SSPN: variants seen among roughly 807,000 people sequenced by gnomAD.
SSPN encodes the protein sarcospan.
Under a neutral mutation model 19.1 loss-of-function variants are expected in SSPN, and 15 were observed. That is an observed-to-expected ratio of 0.78 (90% CI 0.52 to 1.21). The LOEUF (loss-of-function observed/expected upper bound fraction) is 1.21. Among genes scored for constraint, SSPN ranks in the 50% most tolerant of loss-of-function variants. The pLI is 0.00. For missense variants in SSPN, 291 were observed against 314.0 expected, an observed-to-expected ratio of 0.93 and a Z score of 0.55; for synonymous variants, 147 against 140.3, an observed-to-expected ratio of 1.05 and a Z score of -0.34.
chr12:26,195,641 G>GCTGGGGCC lies in SSPN; in HGVS notation c.-31_-30insTGGGGCCC. 1.8e-6 allele frequency: 2 copies of GCTGGGGCC among 1,105,402 alleles called. No individual in the cohort carries two copies. Among genetic ancestry groups the GCTGGGGCC allele is most frequent in the Non-Finnish European group, 1.1e-6 (1 of 878,120 alleles). The allele number at this position is 1,105,402 out of a possible 1,614,324, so 68.5% of individuals were successfully genotyped here. ...CTCCAGGGCCCAGGGCGCCGCACAC[G>GCTGGGGCC]CACCCACCCACCCACCCAGCCTCGC... is the stretch of plus-strand genomic sequence containing the variant. On this transcript the variant is annotated 5_prime_UTR_variant, in exon 1 of 3. Transcript: ENST00000242729.
Position 26,233,656 on chromosome 12 carries a change from T to C in SSPN, c.*2580T>C, listed in dbSNP as rs535659543. On this transcript the variant is annotated 3_prime_UTR_variant, in exon 3 of 3. Coordinates refer to ENST00000242729, the MANE Select transcript of SSPN (RefSeq NM_005086.5). This position sits in a 1 kb window ranked among gnomAD's most constrained non-coding sequence, Gnocchi z 4.3. ...AGGAACAGATACACAGCTTTACACT[T>C]AGCAGAATGTTACATTTAAAATCTG... The C allele has an allele frequency of 2.7e-4, 41 of 152,336 alleles. No homozygotes were observed. Among genetic ancestry groups the C allele is most frequent in the African/African-American group, 9.4e-4 (39 of 41,578 alleles). 9.4% of individuals were successfully genotyped at this position (152,336 alleles called of 1,614,324 possible).
At chr12:26,155,520 TAA>T (rs1205291172) in intron 1 of SSPN, among the ~76,000 whole-genome samples, 4 of 152,168 alleles carry the variant, frequency 2.6e-5, no homozygotes, top group Non-Finnish European at 5.9e-5. Context: ...TATTAACATT[TAA>T]AAAAGAGTCT....
chr12:26,147,209 A>G (rs78180582), intron 1 of SSPN, among the ~76,000 whole-genome samples: 1,980 of 152,296 alleles, frequency 0.013, 49 homozygotes, highest in African/African-American at 0.046. Flanking sequence ...TAACATATAT[A>G]ATAAAGCAAT....
Position 26,201,533 on chromosome 12 carries a change from C to T in SSPN, c.279+5582C>T, listed in dbSNP as rs1944885544. Reference sequence around the variant, plus strand: ...TGTTTTCGCCTCTACTTACAGCCTTCTACTAAGCCTGATGTGCAAAGGCCA... The same window carrying T: ...TGTTTTCGCCTCTACTTACAGCCTTTTACTAAGCCTGATGTGCAAAGGCCA... On this transcript the variant is annotated intron_variant, in intron 1 of 2. Transcript: ENST00000242729. 2.7e-5 allele frequency among the ~76,000 whole-genome samples: 4 copies of T among 150,794 alleles called. No individual in the cohort carries two copies. The South Asian group carries it at 8.3e-4, about 31-fold the overall frequency.
At chr12:26,175,532 G>T (rs777372110) in intron 1 of SSPN, among the ~76,000 whole-genome samples, 34 of 151,780 alleles carry the variant, frequency 2.2e-4, no homozygotes, top group Admixed American at 7.9e-4. Flanking sequence ...ATTTTTTTGT[G>T]ATTTTTATGG....
At chr12:26,192,294 C>T (rs34371272), upstream of SSPN, among the ~76,000 whole-genome samples, 6,406 of 152,198 alleles carry the variant, frequency 0.042, 193 homozygotes, top group South Asian at 0.082. Flanking sequence ...GTTTCTACTG[C>T]GCCTTTTTTC....
chr12:26,213,989 G>A (rs1452801449), intron 1 of SSPN, among the ~76,000 whole-genome samples: 1 of 152,142 alleles, frequency 6.6e-6, no homozygotes, highest in African/African-American at 2.4e-5. Flanking sequence ...TTTGTTAAAT[G>A]AGCAGAATGA....
rs572751829 is a variant in SSPN, at chr12:26,226,962, G to T, written c.366+2583G>T. 5.3e-5 allele frequency among the ~76,000 whole-genome samples: 8 copies of T among 152,158 alleles called. No homozygotes were observed. In the South Asian group the frequency reaches 1.5e-3, roughly 28 times the overall value. On this transcript the variant is annotated intron_variant, in intron 2 of 2. Transcript: ENST00000242729. ...CAGCGAGCGAGCGGAGACGCGCCCG[G>T]GCGCTGCTGTTACATAAGCGCCCGG...
chr12:26,208,600 CT>C (rs1269136798), intron 1 of SSPN, among the ~76,000 whole-genome samples: 7 of 151,202 alleles, frequency 4.6e-5, no homozygotes, highest in East Asian at 3.9e-4. Flanking sequence ...TTTATCAGTT[CT>C]TTTTTTTATG....
intron 1 of SSPN, among the ~76,000 whole-genome samples, chr12:26,176,265 G>A (rs73086945): frequency 0.13 from 20,352 of 152,152 alleles, 1,401 homozygotes; most frequent in Middle Eastern, 0.19. Flanking sequence ...AATTTATTCA[G>A]CCACGCTATC....
chr12:26,126,314 G>C (rs1944364208), intron 1 of SSPN: 1 of 152,292 alleles, frequency 6.6e-6, no homozygotes, highest in African/African-American at 2.4e-5. Flanking sequence ...GGGTGGGATG[G>C]AGGCTATATA....
intron 1 of SSPN, among the ~76,000 whole-genome samples, chr12:26,168,318 C>A (rs1481490638): frequency 6.6e-6 from 1 of 151,560 alleles, no homozygotes; most frequent in Non-Finnish European, 1.5e-5. Flanking sequence ...TTGTTATGCA[C>A]ATAGGGCATC....
Position 26,123,189 on chromosome 12 carries a change from G to T in SSPN, c.-31+1037G>T, listed in dbSNP as rs777704936. On this transcript the variant is annotated intron_variant, in intron 1 of 2. Transcript: ENST00000538142. ...CTCCCCTAGGATGAGGAAGGGATGG[G>T]GGTGGGGGACGGAGGAGTGGAGGCA... The T allele has an allele frequency of 4.5e-6, 7 of 1,565,716 alleles. No homozygotes were observed. The African/African-American group carries it at 8.1e-5, about 18-fold the overall frequency.
At chr12:26,143,003 T>C (rs1256219762) in intron 1 of SSPN, among the ~76,000 whole-genome samples, 1 of 152,246 alleles carries the variant, frequency 6.6e-6, no homozygotes, top group Non-Finnish European at 1.5e-5. Flanking sequence ...TTTTTTACAC[T>C]GGTCTAATTA....
Position 26,230,591 on chromosome 12 carries a change from A to G in SSPN, c.367-120A>G, listed in dbSNP as rs577119820. The G allele has an allele frequency of 6.9e-6, 8 of 1,157,052 alleles. No individual in the cohort carries two copies. The African/African-American group carries it at 9.3e-5, about 13-fold the overall frequency. The allele number at this position is 1,157,052 out of a possible 1,614,324, so 71.7% of individuals were successfully genotyped here. ...GGGTGTTGTGTTTCTAAGAAGAGAC[A>G]GCCTTTCCATCAGAAAATTTCTGGG... On this transcript the variant is annotated intron_variant, in intron 2 of 2. Transcript: ENST00000242729.
chr12:26,225,991 G>GAAAAAAAAAAAAGAAAAAAA (rs1555182052), intron 2 of SSPN, among the ~76,000 whole-genome samples: 8 of 141,674 alleles, frequency 5.6e-5, no homozygotes, highest in African/African-American at 1.8e-4. Flanking sequence ...AAAAAAAATA[G>GAAAAAAAAAAAAGAAAAAAA]AAAAAAAAAA....
At chr12:26,125,126 G>C (rs1436029711) in intron 1 of SSPN, 1 of 420,210 alleles carries the variant, frequency 2.4e-6, no homozygotes, top group Non-Finnish European at 4.4e-6. Context: ...GGGGGGCGGG[G>C]GAGGAGGGGC....
intron 1 of SSPN, among the ~76,000 whole-genome samples, chr12:26,170,204 T>A (rs553613387): frequency 6.6e-6 from 1 of 152,342 alleles, no homozygotes; most frequent in East Asian, 1.9e-4. Flanking sequence ...ATTAAAAACC[T>A]GCATTTATTT....
chr12:26,195,925 G>T lies in SSPN; in HGVS notation c.253G>T (p.Asp85Tyr). Reference sequence around the variant, plus strand: ...CATCAGCTCCTCCCTGCTAGTCAGGGACACTCCATTTTGGGCTGGGATCAT... The same window carrying T: ...CATCAGCTCCTCCCTGCTAGTCAGGTACACTCCATTTTGGGCTGGGATCAT... Reference protein sequence around the residue: ...ASISSSLLVRDTPFWAGIIVC... With the variant: ...ASISSSLLVRYTPFWAGIIVC... The change falls in exon 1 of 3, where the codon GAC becomes TAC. Residue 85 changes from aspartate to tyrosine, a missense_variant. Physicochemically the swap from Asp to Tyr is radical, Grantham distance 160. This residue lies in a region of SSPN where 139 missense variants were observed against 119.6 expected (regional missense o/e 1.16). Transcript: ENST00000242729. 1 of 1,552,768 alleles carries T rather than the reference G, an allele frequency of 6.4e-7. No individual in the cohort carries two copies. Among genetic ancestry groups the T allele is most frequent in the Non-Finnish European group, 8.7e-7 (1 of 1,153,106 alleles).
Sources: allele counts gnomAD v4.1 joint callset (sites outside exome capture counted in the v4.1 genomes callset), GRCh38; gene constraint gnomAD v4.1.1; regional missense constraint gnomAD v4.1.1; non-coding constraint Gnocchi (gnomAD v3.1); transcripts MANE v1.5; gene names NCBI Gene and HGNC (gene_info 2026-07-23, HGNC 2026-07-21).